KANK1: variants seen among roughly 807,000 people sequenced by gnomAD.
KANK1 encodes the protein KN motif and ankyrin repeat domain-containing protein 1.
Under a neutral mutation model 106.2 loss-of-function variants are expected in KANK1, and 109 were observed. The observed-to-expected ratio is 1.03, with a 90% CI of 0.88 to 1.20. The LOEUF (loss-of-function observed/expected upper bound fraction) is 1.20, where lower values mean the gene tolerates loss of function less well. Among genes scored for constraint, KANK1 ranks in the 50% most tolerant of loss-of-function variants. The pLI is 0.00. For missense variants in KANK1, 2,399 were observed against 1,710.7 expected (o/e 1.40, Z -7.10); for synonymous variants, 873 against 652.2 (o/e 1.34, Z -5.16).
At chr9:632,883 G>A (rs76340819) in intron 1 of KANK1, among the ~76,000 whole-genome samples, 22,441 of 151,880 alleles carry the variant, frequency 0.15, 1,806 homozygotes, top group Admixed American at 0.17. Flanking sequence ...TAGTAGACAC[G>A]GGGTTTCGCC....
At chr9:663,617 C>A (rs7865572) in intron 1 of KANK1, among the ~76,000 whole-genome samples, 3 of 152,086 alleles carry the variant, frequency 2.0e-5, no homozygotes, top group South Asian at 4.2e-4. Context: ...GCTGATTTTC[C>A]GCCTAGGTTT....
At chr9:523,976 G>A (rs1587491928) in intron 1 of KANK1, among the ~76,000 whole-genome samples, 2 of 151,802 alleles carry the variant, frequency 1.3e-5, no homozygotes, top group Admixed American at 1.3e-4. Flanking sequence ...CTCCTAGAAC[G>A]GAACTGGAAA....
chr9:717,598 A>T (rs960431209), intron 3 of KANK1, among the ~76,000 whole-genome samples: 15 of 152,274 alleles, frequency 9.9e-5, no homozygotes, highest in African/African-American at 3.4e-4. Flanking sequence ...TCCTGATAGT[A>T]TGAGTTTAAT....
intron 1 of KANK1, among the ~76,000 whole-genome samples, chr9:644,913 G>C (rs946576885): frequency 6.6e-6 from 1 of 150,798 alleles, no homozygotes; most frequent in Non-Finnish European, 1.5e-5. Flanking sequence ...CTGAGCTCAG[G>C]AGTTCAAGAC....
At chr9:677,088 C>A in intron 2 of KANK1, 79 bp downstream of exon 2, 1 of 1,280,414 alleles carries the variant, frequency 7.8e-7, no homozygotes, top group Non-Finnish European at 1.1e-6. Context: ...TAATAATGAA[C>A]GGATAATAGC....
chr9:552,007 G>C lies in KANK1; in HGVS notation c.-84+47253G>C, dbSNP rs566769258. 4.6e-5 allele frequency among the ~76,000 whole-genome samples: 7 copies of C among 152,270 alleles called. No homozygotes were observed. The South Asian group carries it at 1.5e-3, about 32-fold the overall frequency. ...GAAGGTCAAGGCTGCAACGAGCTAT[G>C]ATCGCACCACTGTATTCCAGCCTGG... On this transcript the variant is annotated intron_variant, in intron 1 of 11. Transcript: ENST00000382297.
At chr9:688,912 C>G (rs1157578920) in intron 2 of KANK1, among the ~76,000 whole-genome samples, 2 of 152,194 alleles carry the variant, frequency 1.3e-5, no homozygotes, top group Non-Finnish European at 2.9e-5. Context: ...GTATGGCTGG[C>G]TGGCCTGCTT....
chr9:715,044 C>G (rs1827309723), intron 3 of KANK1, among the ~76,000 whole-genome samples: 1 of 152,156 alleles, frequency 6.6e-6, no homozygotes, highest in African/African-American at 2.4e-5. Context: ...TTAAAATAGA[C>G]TGAAATATAT....
chr9:603,319 G>A (rs1024858282), intron 1 of KANK1, among the ~76,000 whole-genome samples: 4 of 151,834 alleles, frequency 2.6e-5, no homozygotes, highest in Non-Finnish European at 5.9e-5. Flanking sequence ...AAACGTGGCT[G>A]GCTGACTTTG....
In KANK1 at chr9:508,134, T is replaced by C. The variant is rs1309303526; in HGVS notation, c.-84+3380T>C. On this transcript the variant is annotated intron_variant, in intron 1 of 11. Transcript: ENST00000382297. Reference sequence around the variant, plus strand: ...ACCCTGCTCAGCCTTTTTTTTTTTTTTTTTTTTTTTTTTTTTTTTTTGAGA... The same window carrying C: ...ACCCTGCTCAGCCTTTTTTTTTTTTCTTTTTTTTTTTTTTTTTTTTTGAGA... 2.5e-3 allele frequency among the ~76,000 whole-genome samples: 301 copies of C among 119,388 alleles called. 10 individuals carry two copies. In the East Asian group the frequency reaches 0.059, roughly 23 times the overall value. The allele number at this position is 119,388 out of a possible 152,430, so 78.3% of individuals were successfully genotyped here.
chr9:588,815 G>A (rs1824152059), intron 1 of KANK1, among the ~76,000 whole-genome samples: 1 of 152,072 alleles, frequency 6.6e-6, no homozygotes. Flanking sequence ...AATGAAAATA[G>A]TAATAAAAGC....
At chr9:613,257 G>A (rs569121171) in intron 1 of KANK1, among the ~76,000 whole-genome samples, 4 of 151,048 alleles carry the variant, frequency 2.6e-5, no homozygotes, top group Non-Finnish European at 4.4e-5. Flanking sequence ...AAAAGCACAA[G>A]TAGTCACCAT....
intron 1 of KANK1, among the ~76,000 whole-genome samples, chr9:547,815 C>T (rs1297257874): frequency 6.6e-6 from 1 of 152,200 alleles, no homozygotes; most frequent in African/African-American, 2.4e-5. Flanking sequence ...CTAGCCCATG[C>T]TGTGAAAGAG....
intron 1 of KANK1, chr9:540,519 G>C (rs751837260): frequency 6.6e-6 from 1 of 152,176 alleles, no homozygotes; most frequent in African/African-American, 2.4e-5. Flanking sequence ...GTCCTTGCTG[G>C]CCTTGCAAAA....
intron 1 of KANK1, among the ~76,000 whole-genome samples, chr9:664,354 A>G (rs1417657000): frequency 1.3e-5 from 2 of 152,194 alleles, no homozygotes; most frequent in Non-Finnish European, 2.9e-5. Flanking sequence ...GTTTCACTGA[A>G]CATAATGACC....
intron 2 of KANK1, among the ~76,000 whole-genome samples, chr9:696,195 A>C (rs2129703695): frequency 6.6e-6 from 1 of 151,980 alleles, no homozygotes; most frequent in East Asian, 1.9e-4. Flanking sequence ...GAGGCAGGAG[A>C]ATGGCGTGAA....
chr9:548,275 C>G (rs1309228498), intron 1 of KANK1, among the ~76,000 whole-genome samples: 1 of 152,172 alleles, frequency 6.6e-6, no homozygotes, highest in African/African-American at 2.4e-5. Context: ...ATTTTTCTCA[C>G]TTCAAAAGAT....
chr9:647,776 G>A (rs1250049335), intron 1 of KANK1, among the ~76,000 whole-genome samples: 2 of 150,510 alleles, frequency 1.3e-5, no homozygotes, highest in African/African-American at 2.5e-5. Flanking sequence ...AATTCTTCTG[G>A]CTCACACTTA....
intron 1 of KANK1, among the ~76,000 whole-genome samples, chr9:534,005 T>C (rs571469061): frequency 3.9e-5 from 6 of 152,160 alleles, no homozygotes; most frequent in Non-Finnish European, 8.8e-5. Context: ...CACCCAGACT[T>C]TTTGTCATTC....
Sources: gnomAD v4.1 joint callset for allele counts (sites outside exome capture counted in the v4.1 genomes callset) on GRCh38, gnomAD v4.1.1 for gene constraint, MANE v1.5 for transcripts, NCBI Gene and HGNC (gene_info 2026-07-23, HGNC 2026-07-21) for gene names.